Variants in FFAR4 observed in about 807,000 individuals in gnomAD.
The protein encoded by FFAR4 is G-protein coupled receptor 120.
In FFAR4, 19 loss-of-function variants were observed where a neutral mutation model predicts 27.0. That is an observed-to-expected ratio of 0.70 (90% CI 0.49 to 1.03). The LOEUF (loss-of-function observed/expected upper bound fraction) is 1.03. Among genes scored for constraint, FFAR4 ranks in the 50% least tolerant of loss-of-function variants. The pLI is 0.00. For synonymous variants in FFAR4, 254 were observed against 215.6 expected (o/e 1.18, Z -1.56); for missense variants, 476 against 479.0 (o/e 0.99, Z 0.06).
intron 2 of FFAR4, among the ~76,000 whole-genome samples, chr10:93,585,613 G>A (rs921214622): frequency 3.9e-5 from 6 of 152,240 alleles, no homozygotes; most frequent in Non-Finnish European, 7.3e-5. Context: ...AGGAGGATGG[G>A]CTGCCCTGGC....
intron 1 of FFAR4, among the ~76,000 whole-genome samples, chr10:93,575,495 T>G (rs1013756128): frequency 1.3e-5 from 2 of 152,366 alleles, no homozygotes; most frequent in Admixed American, 6.5e-5. Context: ...CATCTTGAAC[T>G]GTCTGTGAGT....
At position 93,567,083 on chromosome 10, in the gene FFAR4, C is replaced by G; in HGVS notation, c.363C>G (p.Ser121Arg). 3 of 1,610,274 alleles carry G rather than the reference C, an allele frequency of 1.9e-6. No individual in the cohort carries two copies. Among genetic ancestry groups the G allele is most frequent in the Middle Eastern group, 1.7e-4 (1 of 6,058 alleles). Residue 121 changes from serine to arginine, a missense_variant, in exon 1 of 3, where the codon AGC becomes AGG. Ser to Arg is a moderately radical substitution (Grantham distance 110). Coordinates refer to ENST00000371481, the MANE Select transcript of FFAR4 (RefSeq NM_001195755.2). Reference sequence around the variant, plus strand: ...TGCTCTTCTACGTGATGACCCTGAGCGGCAGCGTCACCATCCTCACGCTGG... The same window carrying G: ...TGCTCTTCTACGTGATGACCCTGAGGGGCAGCGTCACCATCCTCACGCTGG... ...CHLLFYVMTL[S>R]GSVTILTLAA... is the part of the protein sequence containing the mutation.
In FFAR4 at chr10:93,567,424, C is replaced by A. The variant is rs984968503; in HGVS notation, c.567+137C>A. On this transcript the variant is annotated intron_variant, in intron 1 of 2. Transcript: ENST00000371481. ...CTTAATCGTTGTGCCAAATCTTGTGCCCATGGCTGTGAAGTTTAATCTCTT... is the reference window on the plus strand; with the variant it reads ...CTTAATCGTTGTGCCAAATCTTGTGACCATGGCTGTGAAGTTTAATCTCTT... 5.3e-6 allele frequency: 4 copies of A among 758,582 alleles called. No individual in the cohort carries two copies. The Admixed American group carries it at 8.3e-5, about 16-fold the overall frequency. 47.0% of individuals were successfully genotyped at this position (758,582 alleles called of 1,614,324 possible). A position where few individuals can be genotyped will look rare whatever the true frequency, so the allele number is the denominator to read the frequency against.
At chr10:93,586,917 T>C (rs1395761268) in intron 2 of FFAR4, among the ~76,000 whole-genome samples, 3 of 152,192 alleles carry the variant, frequency 2.0e-5, no homozygotes, top group Admixed American at 6.5e-5. Context: ...TGCAAACAAT[T>C]AAAGAGACAT....
In FFAR4 at chr10:93,569,200, A is replaced by G. The variant is rs563348253; in HGVS notation, c.567+1913A>G. On this transcript the variant is annotated intron_variant, in intron 1 of 2. Coordinates refer to ENST00000371481, the MANE Select transcript of FFAR4 (RefSeq NM_001195755.2). ...ATTTTCTTTCTTACAGGAGAAAATG[A>G]TGTTCAGGGAATGAAAGACCAGATA... Among the ~76,000 whole-genome samples, 6 of 152,364 alleles carry G rather than the reference A, an allele frequency of 3.9e-5. No individual in the cohort carries two copies. The East Asian group carries it at 1.2e-3, about 29-fold the overall frequency.
At chr10:93,568,646 G>A (rs2058114101) in intron 1 of FFAR4, among the ~76,000 whole-genome samples, 2 of 152,174 alleles carry the variant, frequency 1.3e-5, no homozygotes. Context: ...AGACAGAGAG[G>A]TGGAGCTTCT....
chr10:93,567,280 C>A lies in FFAR4; in HGVS notation c.560C>A (p.Ala187Asp). Reference protein sequence around the residue: ...FRVVPQRLPGADQEISICTLI... With the variant: ...FRVVPQRLPGDDQEISICTLI... ...GTCGTCCCGCAACGGCTCCCCGGCG[C>A]CGACCAGGTGAGCGCCCCTCTGTGT... The change falls in exon 1 of 3, where the codon GCC becomes GAC. Residue 187 changes from alanine (A) to aspartate (D), a missense_variant. Ala to Asp is a moderately radical substitution (Grantham distance 126). Transcript: ENST00000371481. The A allele has an allele frequency of 6.3e-7, 1 of 1,598,572 alleles. No individual in the cohort carries two copies. Among genetic ancestry groups the A allele is most frequent in the Non-Finnish European group, 8.5e-7 (1 of 1,179,374 alleles).
chr10:93,578,865 G>A (rs1027573847), intron 2 of FFAR4, among the ~76,000 whole-genome samples: 6 of 152,182 alleles, frequency 3.9e-5, no homozygotes, highest in African/African-American at 1.4e-4. Flanking sequence ...TGGAAGGGGC[G>A]GCAGCATTTG....
intron 2 of FFAR4, among the ~76,000 whole-genome samples, chr10:93,582,613 T>C (rs2058204797): frequency 6.6e-6 from 1 of 151,398 alleles, no homozygotes; most frequent in Non-Finnish European, 1.5e-5. Context: ...ACTTTGTCTG[T>C]CACCCGCAGC....
chr10:93,574,575 A>T (rs2058151654), intron 1 of FFAR4, among the ~76,000 whole-genome samples: 1 of 152,158 alleles, frequency 6.6e-6, no homozygotes, highest in Non-Finnish European at 1.5e-5. Flanking sequence ...CACTGCCAGT[A>T]ATCAGAAGAT....
intron 2 of FFAR4, among the ~76,000 whole-genome samples, chr10:93,586,057 A>G (rs959958464): frequency 6.6e-6 from 1 of 152,134 alleles, no homozygotes; most frequent in Non-Finnish European, 1.5e-5. Flanking sequence ...CTCCCACTCA[A>G]CAACCTGTAG....
intron 1 of FFAR4, among the ~76,000 whole-genome samples, chr10:93,575,818 C>T (rs1466265353): frequency 6.6e-6 from 1 of 152,156 alleles, no homozygotes; most frequent in Non-Finnish European, 1.5e-5. Flanking sequence ...ACCTAGGAAC[C>T]GACTCTAGCT....
intron 1 of FFAR4, among the ~76,000 whole-genome samples, chr10:93,574,047 G>GT (rs561941204): frequency 6.6e-6 from 1 of 152,142 alleles, no homozygotes; most frequent in Admixed American, 6.5e-5. Flanking sequence ...ATCCTTCCAT[G>GT]TTTTTTTCTG....
intron 1 of FFAR4, among the ~76,000 whole-genome samples, chr10:93,574,732 C>CA (rs570636133): frequency 0.041 from 5,830 of 143,326 alleles, 234 homozygotes; most frequent in East Asian, 0.24. Context: ...ACTAAAAATA[C>CA]AAAAAAAAAA....
At chr10:93,574,669 ACAAGGT>A (rs796080406) in intron 1 of FFAR4, among the ~76,000 whole-genome samples, 11 of 152,184 alleles carry the variant, frequency 7.2e-5, no homozygotes, top group African/African-American at 2.6e-4. Context: ...CGGGCGGATC[ACAAGGT>A]CAGGAGATCG....
chr10:93,578,416 CAAA>C (rs762326870), intron 2 of FFAR4, among the ~76,000 whole-genome samples: 4,325 of 59,934 alleles, frequency 0.072, 61 homozygotes, highest in African/African-American at 0.16. Context: ...GATTCCCTCT[CAAA>C]AAAAAAAAAA....
chr10:93,584,461 A>G (rs1410912590), intron 2 of FFAR4, among the ~76,000 whole-genome samples: 1 of 152,228 alleles, frequency 6.6e-6, no homozygotes, highest in Non-Finnish European at 1.5e-5. Flanking sequence ...AGTGGGAACA[A>G]TGATAGTACA....
Position 93,576,076 on chromosome 10 carries a change from C to T in FFAR4, c.568-15C>T. The T allele has an allele frequency of 6.2e-7, 1 of 1,613,390 alleles. No homozygotes were observed. Among genetic ancestry groups the T allele is most frequent in the African/African-American group, 1.3e-5 (1 of 74,990 alleles). The stretch of plus-strand genomic sequence containing the variant: ...GCCAGCATTTACATGATGTTCTTTT[C>T]CTTTTTGTAACTAGGAAATTTCGAT... On this transcript the variant is annotated splice_polypyrimidine_tract_variant and intron_variant, in intron 1 of 2. Coordinates refer to ENST00000371481, the MANE Select transcript of FFAR4 (RefSeq NM_001195755.2).
At chr10:93,579,101 A>T in intron 2 of FFAR4, 2 of 1,504,390 alleles carry the variant, frequency 1.3e-6, no homozygotes, top group Non-Finnish European at 1.9e-6. Context: ...ACAGCAGTTT[A>T]CTCTCGAAGC....
Sources: allele counts gnomAD v4.1 joint callset (sites outside exome capture counted in the v4.1 genomes callset), GRCh38; gene constraint gnomAD v4.1.1; transcripts MANE v1.5; gene names NCBI Gene and HGNC (gene_info 2026-07-23, HGNC 2026-07-21).